The following KLHDC2 variants were observed in gnomAD, a reference collection of about 807,000 sequenced individuals.
KLHDC2 encodes kelch domain-containing protein 2.
Under a neutral mutation model 62.3 loss-of-function variants are expected in KLHDC2, and 38 were observed. The ratio of observed to expected loss-of-function variants is 0.61; its 90% confidence interval spans 0.47 to 0.80. KLHDC2 has a LOEUF of 0.80. Ranked by LOEUF, KLHDC2 falls within the 30% of genes least tolerant of loss-of-function variation. The pLI is 0.00. For missense variants in KLHDC2, 430 were observed against 495.3 expected, an observed-to-expected ratio of 0.87 and a Z score of 1.25; for synonymous variants, 159 against 161.0, an observed-to-expected ratio of 0.99 and a Z score of 0.09.
At chr14:49,771,569 T>C in intron 1 of KLHDC2, 25 bp from the exon 2 acceptor site, 1 of 1,028,636 alleles carries the variant, frequency 9.7e-7, no homozygotes, top group South Asian at 1.3e-5. Context: ...CCAGTTTTTA[T>C]ATTTACAATT....
Position 49,768,398 on chromosome 14 carries a change from C to A in KLHDC2, c.-71C>A. 1 of 1,529,380 alleles carries A rather than the reference C, an allele frequency of 6.5e-7. No individual in the cohort carries two copies. The highest frequency in any genetic ancestry group is 1.2e-5 in the South Asian group (1 of 82,622). The allele number at this position is 1,529,380 out of a possible 1,614,324, so 94.7% of individuals were successfully genotyped here. On this transcript the variant is annotated 5_prime_UTR_variant, in exon 1 of 13. Coordinates refer to ENST00000298307, the MANE Select transcript of KLHDC2 (RefSeq NM_014315.3). ...TTGCCTCGCGCCGCTGTGCATTTCT[C>A]TCCTTTTCCTTTGTTTTTTTGGCCC...
intron 12 of KLHDC2, 94 bp downstream of exon 12, chr14:49,782,688 G>A (rs1889962936): frequency 7.4e-7 from 1 of 1,346,234 alleles, no homozygotes; most frequent in South Asian, 1.4e-5. Context: ...ATTATTTAAG[G>A]GCAATAAAAC....
At position 49,783,694 on chromosome 14, in the gene KLHDC2, A is replaced by G. The variant is rs141933984; in HGVS notation, c.*741A>G. On this transcript the variant is annotated 3_prime_UTR_variant, in exon 13 of 13. Coordinates refer to ENST00000298307, the MANE Select transcript of KLHDC2 (RefSeq NM_014315.3). ...ATAGGTTAAGATACTCTAACGTGCTATATTGGTAATTAATTACTAAAGGTG... is the reference window on the plus strand; with the variant it reads ...ATAGGTTAAGATACTCTAACGTGCTGTATTGGTAATTAATTACTAAAGGTG... 31 of 152,280 alleles carry G rather than the reference A, an allele frequency of 2.0e-4. No homozygotes were observed. Among genetic ancestry groups the G allele is most frequent in the African/African-American group, 7.5e-4 (31 of 41,564 alleles). The allele number at this position is 152,280 out of a possible 1,614,324, so 9.4% of individuals were successfully genotyped here.
chr14:49,779,127 T>G (rs1399747922), intron 6 of KLHDC2, among the ~76,000 whole-genome samples: 2 of 152,234 alleles, frequency 1.3e-5, no homozygotes, highest in Non-Finnish European at 2.9e-5. Flanking sequence ...AATGCTCCAA[T>G]GAGCATTTCC....
chr14:49,782,620 A>T, intron 12 of KLHDC2, 26 bp downstream of exon 12: 1 of 1,560,326 alleles, frequency 6.4e-7, no homozygotes, highest in African/African-American at 1.4e-5. Flanking sequence ...CTTGGCACTT[A>T]GATTATTTAA....
At chr14:49,776,561 T>C (rs1327260793) in intron 3 of KLHDC2, among the ~76,000 whole-genome samples, 2 of 152,194 alleles carry the variant, frequency 1.3e-5, no homozygotes, top group African/African-American at 4.8e-5. Flanking sequence ...ATTTGTTAAA[T>C]TGAATTTAAA....
At position 49,780,737 on chromosome 14, in the gene KLHDC2, A is replaced by T; in HGVS notation, c.918A>T (p.Glu306Asp). 6.2e-7 allele frequency: 1 copy of T among 1,608,780 alleles called. No homozygotes were observed. Among genetic ancestry groups the T allele is most frequent in the Non-Finnish European group, 8.5e-7 (1 of 1,175,150 alleles). ...DAWTYCISKN[E>D]WIQFNHPYTE... ...GGACTTACTGCATCAGTAAAAATGAATGGATACAATTTAATCATCCATATA... is the reference window on the plus strand; with the variant it reads ...GGACTTACTGCATCAGTAAAAATGATTGGATACAATTTAATCATCCATATA... Residue 306 changes from glutamate to aspartate, a missense_variant, in exon 10 of 13, where the codon GAA becomes GAT. Transcript: ENST00000298307.
chr14:49,775,396 T>C (rs918516930), intron 3 of KLHDC2, among the ~76,000 whole-genome samples: 2 of 152,142 alleles, frequency 1.3e-5, no homozygotes, highest in Admixed American at 1.3e-4. Context: ...AAGGGACACA[T>C]ATAGTAAGTA....
rs1890099357 is a variant in KLHDC2 at position 49,785,031 on chromosome 14, A to G, written c.*2078A>G. The G allele has an allele frequency of 6.2e-7, 1 of 1,608,572 alleles. No homozygotes were observed. The highest frequency in any genetic ancestry group is 8.5e-7 in the Non-Finnish European group (1 of 1,175,336). On this transcript the variant is annotated 3_prime_UTR_variant, in exon 13 of 13. Coordinates refer to ENST00000298307, the MANE Select transcript of KLHDC2 (RefSeq NM_014315.3). ...TGTAAATACAAAAAAGAGTAAGAAT[A>G]ATCTACTGTTAAGTCACTGAACTGT...
intron 2 of KLHDC2, among the ~76,000 whole-genome samples, chr14:49,773,479 G>C (rs945955842): frequency 6.6e-5 from 10 of 151,134 alleles, no homozygotes; most frequent in Non-Finnish European, 1.2e-4. Flanking sequence ...TAGCACTTTG[G>C]GAGGCCGAGG....
chr14:49,769,132 A>G (rs568974357), intron 1 of KLHDC2: 5 of 152,700 alleles, frequency 3.3e-5, no homozygotes, highest in African/African-American at 7.2e-5. Flanking sequence ...GCCTGTGCAA[A>G]TGGCCATCAG....
intron 1 of KLHDC2, chr14:49,769,056 G>GGA: frequency 6.3e-6 from 1 of 157,876 alleles, no homozygotes; most frequent in South Asian, 1.9e-4. Flanking sequence ...CCACTTACAG[G>GGA]GAGGCCGAGG....
In KLHDC2 at chr14:49,783,110, A is replaced by G. The variant is rs1566640094; in HGVS notation, c.*157A>G. ...GCCTAGAGAACCTATTTTTGTGTCT[A>G]AAGTTTACAATAAATGTATTTAACA... is the stretch of plus-strand genomic sequence containing the variant. On this transcript the variant is annotated 3_prime_UTR_variant, in exon 13 of 13. Coordinates refer to ENST00000298307, the MANE Select transcript of KLHDC2 (RefSeq NM_014315.3). 3.4e-6 allele frequency: 2 copies of G among 587,916 alleles called. No individual in the cohort carries two copies. The highest frequency in any genetic ancestry group is 6.3e-5 in the East Asian group (2 of 31,848). 36.4% of individuals were successfully genotyped at this position (587,916 alleles called of 1,614,324 possible).
Position 49,768,413 on chromosome 14 carries a change from T to G in KLHDC2, c.-56T>G. 1 of 1,572,456 alleles carries G rather than the reference T, an allele frequency of 6.4e-7. No homozygotes were observed. Among genetic ancestry groups the G allele is most frequent in the Non-Finnish European group, 8.6e-7 (1 of 1,159,106 alleles). ...GTGCATTTCTCTCCTTTTCCTTTGTTTTTTTGGCCCCTCGCGGGTGTGGGC... is the reference window on the plus strand; with the variant it reads ...GTGCATTTCTCTCCTTTTCCTTTGTGTTTTTGGCCCCTCGCGGGTGTGGGC... On this transcript the variant is annotated 5_prime_UTR_variant, in exon 1 of 13. Coordinates refer to ENST00000298307, the MANE Select transcript of KLHDC2 (RefSeq NM_014315.3).
In KLHDC2 at chr14:49,785,076, A is replaced by G; in HGVS notation, c.*2123A>G. ...AACTGTTTAAAATCATAATTCAAAA[A>G]AACAAATTTAAATACCTTTTCCCTT... On this transcript the variant is annotated 3_prime_UTR_variant, in exon 13 of 13. Coordinates refer to ENST00000298307, the MANE Select transcript of KLHDC2 (RefSeq NM_014315.3). The G allele has an allele frequency of 1.2e-6, 2 of 1,607,218 alleles. No individual in the cohort carries two copies. Among genetic ancestry groups the G allele is most frequent in the Non-Finnish European group, 1.7e-6 (2 of 1,174,080 alleles).
At chr14:49,777,753 C>T (rs748047234) in intron 3 of KLHDC2, 86 bp from the exon 4 acceptor site, 1 of 742,372 alleles carries the variant, frequency 1.3e-6, no homozygotes, top group Non-Finnish European at 2.2e-6. Flanking sequence ...AGATGGCACT[C>T]TTATCATAAA....
rs748858097 is a variant in KLHDC2 at position 49,784,928 on chromosome 14, T to TAC, written c.*1976_*1977dup. The stretch of plus-strand genomic sequence containing the variant: ...CTTTTCTGAAGGAGAACTTTACCTT[T>TAC]ACGCTGCGGAATAAGTCTTTTTCTC... On this transcript the variant is annotated 3_prime_UTR_variant, in exon 13 of 13. Transcript: ENST00000298307. 1 of 1,613,050 alleles carries TAC rather than the reference T, an allele frequency of 6.2e-7. No individual in the cohort carries two copies. The highest frequency in any genetic ancestry group is 8.5e-7 in the Non-Finnish European group (1 of 1,179,208).
chr14:49,770,561 T>G (rs1279117035), intron 1 of KLHDC2, among the ~76,000 whole-genome samples: 1 of 152,020 alleles, frequency 6.6e-6, no homozygotes, highest in African/African-American at 2.4e-5. Context: ...CTAGGGAGGG[T>G]CAAAGGCTGG....
chr14:49,774,924 C>T, intron 3 of KLHDC2: 1 of 439,622 alleles, frequency 2.3e-6, no homozygotes, highest in Non-Finnish European at 4.0e-6. Context: ...TTTCTTTGTG[C>T]TTTTTGCAGC....
Sources: allele counts gnomAD v4.1 joint callset (sites outside exome capture counted in the v4.1 genomes callset), GRCh38; gene constraint gnomAD v4.1.1; transcripts MANE v1.5; gene names NCBI Gene and HGNC (gene_info 2026-07-23, HGNC 2026-07-21).